The following PLEKHH1 variants were observed in gnomAD, a reference collection of about 807,000 sequenced individuals.
The protein encoded by PLEKHH1 is pleckstrin homology domain-containing family H member 1.
PLEKHH1 carries 104 observed loss-of-function variants against 160.0 expected under a neutral mutation model. That is an observed-to-expected ratio of 0.65 (90% CI 0.55 to 0.76). The LOEUF (loss-of-function observed/expected upper bound fraction) is 0.76, where lower values mean the gene tolerates loss of function less well. PLEKHH1 is among the 30% of genes least tolerant of loss of function. The pLI is 0.00. For synonymous variants in PLEKHH1, 619 were observed against 678.4 expected (o/e 0.91, Z 1.36); for missense variants, 1,427 against 1,724.1 (o/e 0.83, Z 3.05).
chr14:67,572,551 G>A (rs1339743427), intron 11 of PLEKHH1, among the ~76,000 whole-genome samples: 2 of 152,174 alleles, frequency 1.3e-5, no homozygotes, highest in African/African-American at 4.8e-5. Flanking sequence ...CCCATGAAGA[G>A]TTTTCCATAT....
At chr14:67,540,736 T>G (rs998410009) in intron 1 of PLEKHH1, among the ~76,000 whole-genome samples, 4 of 152,210 alleles carry the variant, frequency 2.6e-5, no homozygotes, top group Non-Finnish European at 5.9e-5. Context: ...TTTATACTTT[T>G]TGGGAAGCAT....
chr14:67,542,213 C>T (rs935313190), intron 2 of PLEKHH1, among the ~76,000 whole-genome samples: 2 of 152,228 alleles, frequency 1.3e-5, no homozygotes, highest in African/African-American at 4.8e-5. Context: ...ACACCAAAGA[C>T]ATGCTGCCAA....
Position 67,565,857 on chromosome 14 carries a change from T to A in PLEKHH1, c.1263+2963T>A, listed in dbSNP as rs563110427. ...GTTCAAATCCGGGCTCAGTAGCTTA[T>A]GCCTGTAATCCCAGCACTTTGGGAG... is the stretch of plus-strand genomic sequence containing the variant. On this transcript the variant is annotated intron_variant, in intron 7 of 28. Coordinates refer to ENST00000329153, the MANE Select transcript of PLEKHH1 (RefSeq NM_020715.3). Among the ~76,000 whole-genome samples the A allele has an allele frequency of 2.0e-5, 3 of 152,290 alleles. No homozygotes were observed. The East Asian group carries it at 5.8e-4, about 29-fold the overall frequency.
chr14:67,557,370 G>C lies in PLEKHH1; in HGVS notation c.291G>C (p.Lys97Asn), dbSNP rs1450402635. 1 of 1,613,978 alleles carries C rather than the reference G, an allele frequency of 6.2e-7. No homozygotes were observed. The highest frequency in any genetic ancestry group is 8.5e-7 in the Non-Finnish European group (1 of 1,179,880). The change falls in exon 4 of 29, where the codon AAG becomes AAC. Residue 97 changes from lysine (K) to asparagine (N), a missense_variant. By Grantham distance (94) the Lys-to-Asn change is moderately conservative. Around this residue, in one of 6 missense-constraint regions of PLEKHH1, gnomAD observed 831 missense variants for 929.2 expected, o/e 0.89. Coordinates refer to ENST00000329153, the MANE Select transcript of PLEKHH1 (RefSeq NM_020715.3). ...ACCAAGAATTGCTGAAAGCCATAAAGGGCAAAGATGAGCTCATCAGCCAGC... is the reference window on the plus strand; with the variant it reads ...ACCAAGAATTGCTGAAAGCCATAAACGGCAAAGATGAGCTCATCAGCCAGC... ...RKYQELLKAIKGKDELISQLE... is the reference protein window; with the variant it reads ...RKYQELLKAINGKDELISQLE...
intron 4 of PLEKHH1, among the ~76,000 whole-genome samples, chr14:67,559,196 AT>A (rs1302535161): frequency 6.6e-6 from 1 of 151,558 alleles, no homozygotes; most frequent in Admixed American, 6.6e-5. Flanking sequence ...ATTTTGCCTT[AT>A]TTTTTTGTTT....
At chr14:67,558,742 A>G (rs1034531965) in intron 4 of PLEKHH1, among the ~76,000 whole-genome samples, 5 of 152,242 alleles carry the variant, frequency 3.3e-5, no homozygotes, top group African/African-American at 1.2e-4. Context: ...TTGCCACAGA[A>G]GCACAAAGAC....
Position 67,589,443 on chromosome 14 carries a change from C to G in PLEKHH1, c.*2208C>G. On this transcript the variant is annotated 3_prime_UTR_variant, in exon 29 of 29. Coordinates refer to ENST00000329153, the MANE Select transcript of PLEKHH1 (RefSeq NM_020715.3). ...TTTTGAACTGATATAAAAAAAAATG[C>G]TGAGTAACAGAAAAGTATTAATGTG... 1.0e-6 allele frequency: 1 copy of G among 985,292 alleles called. No individual in the cohort carries two copies. Among genetic ancestry groups the G allele is most frequent in the Admixed American group, 6.1e-5 (1 of 16,280 alleles). The allele number at this position is 985,292 out of a possible 1,614,324, so 61.0% of individuals were successfully genotyped here.
chr14:67,555,225 T>C (rs1342345711), intron 2 of PLEKHH1, among the ~76,000 whole-genome samples: 1 of 152,212 alleles, frequency 6.6e-6, no homozygotes, highest in Non-Finnish European at 1.5e-5. Context: ...GCTCGCAAGA[T>C]AGAATTTTGA....
At chr14:67,552,333 G>T (rs1052111485) in intron 2 of PLEKHH1, among the ~76,000 whole-genome samples, 2 of 152,242 alleles carry the variant, frequency 1.3e-5, no homozygotes, top group African/African-American at 4.8e-5. Flanking sequence ...TTAAGCAAAG[G>T]TGAAGAAGAA....
intron 2 of PLEKHH1, among the ~76,000 whole-genome samples, chr14:67,551,901 T>C (rs542362075): frequency 6.6e-6 from 1 of 152,208 alleles, no homozygotes; most frequent in South Asian, 2.1e-4. Context: ...GTTGAACCCT[T>C]TTCTCAAAGG....
chr14:67,554,546 G>A (rs1342570375), intron 2 of PLEKHH1, among the ~76,000 whole-genome samples: 1 of 152,216 alleles, frequency 6.6e-6, no homozygotes, highest in African/African-American at 2.4e-5. Context: ...CCCCAGCTAG[G>A]CTTGGCACAT....
rs770120195 is a variant in PLEKHH1 at position 67,575,977 on chromosome 14, ACCT to A, written c.2329_2331del (p.Leu777del). The A allele has an allele frequency of 2.5e-6, 4 of 1,612,284 alleles. No individual in the cohort carries two copies. In the African/African-American group the frequency reaches 5.3e-5, roughly 22 times the overall value. ...CACCCCACAGAGCACAGCCCCACCTACCTCCTCATTGGCACCAAGCATGAAAAG... is the reference window on the plus strand; with the variant it reads ...CACCCCACAGAGCACAGCCCCACCTACCTCATTGGCACCAAGCATGAAAAG... On this transcript the variant is annotated inframe_deletion, in exon 16 of 29. Coordinates refer to ENST00000329153, the MANE Select transcript of PLEKHH1 (RefSeq NM_020715.3).
At chr14:67,580,169 G>A in intron 22 of PLEKHH1, 1 of 303,990 alleles carries the variant, frequency 3.3e-6, no homozygotes. Flanking sequence ...GGGACAGTGA[G>A]GCCCCACGAA....
In PLEKHH1 at chr14:67,574,702, C is replaced by G. The variant is rs1047502434; in HGVS notation, c.2088+299C>G. 6.6e-6 allele frequency among the ~76,000 whole-genome samples: 1 copy of G among 151,848 alleles called. No individual in the cohort carries two copies. Among genetic ancestry groups the G allele is most frequent in the African/African-American group, 2.4e-5 (1 of 41,384 alleles). ...GGCTGTCACCCACCCCCACCTTATA[C>G]CTGCCTCAGTGTTAATAGTGGGAGG... On this transcript the variant is annotated intron_variant, in intron 14 of 28. Transcript: ENST00000329153. This position sits in a 1 kb window ranked among gnomAD's most constrained non-coding sequence, Gnocchi z 4.2.
Position 67,580,932 on chromosome 14 carries a change from T to C in PLEKHH1, c.3184-6T>C, listed in dbSNP as rs1244699815. The C allele has an allele frequency of 6.2e-7, 1 of 1,601,812 alleles. No individual in the cohort carries two copies. Among genetic ancestry groups the C allele is most frequent in the Non-Finnish European group, 8.6e-7 (1 of 1,168,876 alleles). On this transcript the variant is annotated splice_polypyrimidine_tract_variant and splice_region_variant and intron_variant, in intron 22 of 28. Transcript: ENST00000329153. ...TTTTCTGACTTTCTTCTTTTGCCTTTTCAAGATCTGTGATGCCATCTCCAA... is the reference window on the plus strand; with the variant it reads ...TTTTCTGACTTTCTTCTTTTGCCTTCTCAAGATCTGTGATGCCATCTCCAA...
intron 2 of PLEKHH1, among the ~76,000 whole-genome samples, chr14:67,549,160 T>G (rs1330489623): frequency 1.3e-5 from 2 of 152,174 alleles, no homozygotes; most frequent in Non-Finnish European, 2.9e-5. Flanking sequence ...ATGGAATGGG[T>G]CTTAGCAGGT....
intron 1 of PLEKHH1, among the ~76,000 whole-genome samples, chr14:67,538,131 G>T (rs999035058): frequency 8.5e-5 from 13 of 152,150 alleles, no homozygotes; most frequent in Non-Finnish European, 1.9e-4. Flanking sequence ...AAAAAATTGA[G>T]CTGAGTTTTG....
intron 2 of PLEKHH1, among the ~76,000 whole-genome samples, chr14:67,547,322 A>T (rs1429647205): frequency 6.6e-6 from 1 of 152,184 alleles, no homozygotes; most frequent in Admixed American, 6.5e-5. Flanking sequence ...CACAAACACC[A>T]TGTTGGTCAA....
chr14:67,584,255 C>T (rs1424065623), intron 26 of PLEKHH1, 131 bp downstream of exon 26: 5 of 869,588 alleles, frequency 5.7e-6, no homozygotes, highest in Non-Finnish European at 8.8e-6. Context: ...TCCACTGTTT[C>T]TGGCCTAGTC....
Sources: allele counts gnomAD v4.1 joint callset (sites outside exome capture counted in the v4.1 genomes callset), GRCh38; gene constraint gnomAD v4.1.1; regional missense constraint gnomAD v4.1.1; non-coding constraint Gnocchi (gnomAD v3.1); transcripts MANE v1.5; gene names NCBI Gene and HGNC (gene_info 2026-07-23, HGNC 2026-07-21).